BOP1: variants seen among roughly 807,000 people sequenced by gnomAD.
BOP1 encodes the protein BOP1 ribosomal biogenesis factor.
BOP1 carries 54 observed loss-of-function variants against 82.9 expected under a neutral mutation model. That is an observed-to-expected ratio of 0.65 (90% CI 0.52 to 0.82). BOP1 has a LOEUF of 0.82. Among genes scored for constraint, BOP1 ranks in the 40% least tolerant of loss-of-function variants. The pLI is 0.00. For missense variants in BOP1, 1,170 were observed against 1,072.0 expected, an observed-to-expected ratio of 1.09 and a Z score of -1.28; for synonymous variants, 566 against 451.1, an observed-to-expected ratio of 1.25 and a Z score of -3.23.
chr8:144,280,978 C>T (rs1377913716), intron 2 of BOP1, among the ~76,000 whole-genome samples: 450 of 148,006 alleles, frequency 3.0e-3, no homozygotes, highest in African/African-American at 0.011. Context: ...ACTTTAATAC[C>T]AGGTCTTCGG....
intron 3 of BOP1, among the ~76,000 whole-genome samples, chr8:144,270,289 A>G (rs1845471244): frequency 6.6e-6 from 1 of 152,078 alleles, no homozygotes; most frequent in Non-Finnish European, 1.5e-5. Flanking sequence ...CAGGGTCAAG[A>G]GGGAGTGCAG....
chr8:144,262,342 G>T (rs1845215282), intron 15 of BOP1, 25 bp from the exon 16 acceptor site: 1 of 1,612,744 alleles, frequency 6.2e-7, no homozygotes, highest in Non-Finnish European at 8.5e-7. Flanking sequence ...AGGGCTCAGG[G>T]CACGGCCAGA....
rs148248106 is a variant in BOP1, at chr8:144,283,464, G to A, written c.309+5631C>T. Among the ~76,000 whole-genome samples, 417 of 152,204 alleles carry A rather than the reference G, an allele frequency of 2.7e-3. 2 individuals carry two copies. Among genetic ancestry groups the A allele is most frequent in the African/African-American group, 9.8e-3 (406 of 41,532 alleles). On this transcript the variant is annotated intron_variant, in intron 2 of 15. Coordinates refer to ENST00000569669, the MANE Select transcript of BOP1 (RefSeq NM_015201.5). ...GGGACTGGGACCACGGGCACGCACC[G>A]CCATGCCTGGCTCATTTTTTAAATT...
rs1554836638 is a variant in BOP1, at chr8:144,262,838, G to GCCCCCAC, written c.1894+8_1894+14dup. 23 of 728,126 alleles carry GCCCCCAC rather than the reference G, an allele frequency of 3.2e-5. No homozygotes were observed. The African/African-American group carries it at 7.6e-4, about 24-fold the overall frequency. 45.1% of individuals were successfully genotyped at this position (728,126 alleles called of 1,614,324 possible). On this transcript the variant is annotated intron_variant, in intron 13 of 15. Coordinates refer to ENST00000569669, the MANE Select transcript of BOP1 (RefSeq NM_015201.5). Reference sequence around the variant, plus strand: ...CCACCCCTCACCTGCAGGGTGCACCGCCCCCACCCCTCACCTGCAGGGTGC... The same window carrying GCCCCCAC: ...CCACCCCTCACCTGCAGGGTGCACCGCCCCCACCCCCCACCCCTCACCTGCAGGGTGC...
chr8:144,272,910 A>T (rs1765080067), intron 3 of BOP1, among the ~76,000 whole-genome samples: 1 of 152,184 alleles, frequency 6.6e-6, no homozygotes, highest in African/African-American at 2.4e-5. Flanking sequence ...CCTGGGTAGC[A>T]GGGCGCGCCC....
At chr8:144,268,520 AC>A in intron 3 of BOP1, 1 of 290,954 alleles carries the variant, frequency 3.4e-6, no homozygotes, top group Non-Finnish European at 6.5e-6. Context: ...TTCAGAATCC[AC>A]CCCCAGCCCC....
chr8:144,277,151 G>A (rs1335284998), intron 2 of BOP1, among the ~76,000 whole-genome samples: 11 of 152,178 alleles, frequency 7.2e-5, no homozygotes, highest in Non-Finnish European at 1.2e-4. Context: ...GAGCGAAGGC[G>A]GGCACGCCCC....
At chr8:144,267,448 A>G (rs1003618856) in intron 3 of BOP1, among the ~76,000 whole-genome samples, 1 of 152,204 alleles carries the variant, frequency 6.6e-6, no homozygotes, top group Non-Finnish European at 1.5e-5. Context: ...AAAGGGGCCC[A>G]CCCAGGGCGG....
At chr8:144,276,156 C>G in intron 3 of BOP1, 68 bp downstream of exon 3, 1 of 1,584,254 alleles carries the variant, frequency 6.3e-7, no homozygotes, top group East Asian at 2.2e-5. Flanking sequence ...AGCCCCAACC[C>G]CCAGCACCTG....
At chr8:144,276,427 G>C (rs1419349469) in intron 2 of BOP1, 123 bp from the exon 3 acceptor site, 2 of 1,130,268 alleles carry the variant, frequency 1.8e-6, no homozygotes, top group African/African-American at 3.1e-5. Context: ...ACAGGCCTCA[G>C]CACAAGGCCG....
At chr8:144,290,000 C>T (rs1021083981) in intron 1 of BOP1, among the ~76,000 whole-genome samples, 4 of 152,186 alleles carry the variant, frequency 2.6e-5, no homozygotes, top group African/African-American at 9.7e-5. Context: ...TGCGTGACAC[C>T]GGCACACACA....
At chr8:144,284,488 A>C (rs1162110067) in intron 2 of BOP1, among the ~76,000 whole-genome samples, 3 of 152,134 alleles carry the variant, frequency 2.0e-5, no homozygotes, top group Non-Finnish European at 4.4e-5. Flanking sequence ...CACTGTACAA[A>C]CCAGAGCCAT....
At chr8:144,282,874 C>T (rs1031923959) in intron 2 of BOP1, among the ~76,000 whole-genome samples, 3 of 152,068 alleles carry the variant, frequency 2.0e-5, no homozygotes, top group African/African-American at 7.2e-5. Context: ...GAAACACAGA[C>T]AGCAAATGCT....
intron 3 of BOP1, among the ~76,000 whole-genome samples, chr8:144,273,764 C>T (rs1448340587): frequency 6.6e-6 from 1 of 150,778 alleles, no homozygotes; most frequent in African/African-American, 2.5e-5. Flanking sequence ...CATGCGGGGG[C>T]GGGGCAGCCG....
In BOP1 at chr8:144,264,099, C is replaced by T. The variant is rs1270683118; in HGVS notation, c.1022G>A (p.Ser341Asn). 1.3e-5 allele frequency: 21 copies of T among 1,610,278 alleles called. No individual in the cohort carries two copies. The highest frequency in any genetic ancestry group is 2.7e-5 in the African/African-American group (2 of 74,908). Residue 341 changes from serine to asparagine, a missense_variant, in exon 8 of 16, where the codon AGC (serine) becomes AAC (asparagine). By Grantham distance (46) the Ser-to-Asn change is conservative. Coordinates refer to ENST00000569669, the MANE Select transcript of BOP1 (RefSeq NM_015201.5). ...GCTCGGGAACTTGCGTGGCAAAAAG[C>T]TCAGCTTCCTCTCGCCTGGCTCCTG... The part of the protein sequence containing the change: ...EQQEPGERKL[S>N]FLPRKFPSLR...
rs1238035534 is a variant in BOP1 at position 144,262,498 on chromosome 8, T to G, written c.1985A>C (p.His662Pro). 4 of 1,612,510 alleles carry G rather than the reference T, an allele frequency of 2.5e-6. No homozygotes were observed. In the African/African-American group the frequency reaches 4.0e-5, roughly 16 times the overall value. Residue 662 changes from histidine to proline, a missense_variant, in exon 15 of 16, where the codon CAC (histidine) becomes CCC (proline). By Grantham distance (77) the His-to-Pro change is moderately conservative. Coordinates refer to ENST00000569669, the MANE Select transcript of BOP1 (RefSeq NM_015201.5). ...STKPYRMLRH[H>P]KKALRAVAFH... ...GGCCACAGCCCGCAGAGCCTTCTTG[T>G]GGTGTCTGGGGGGAGGGAACCAGGT...
At chr8:144,285,215 C>T (rs914048792) in intron 2 of BOP1, among the ~76,000 whole-genome samples, 3 of 152,218 alleles carry the variant, frequency 2.0e-5, no homozygotes, top group Non-Finnish European at 2.9e-5. Context: ...AAGGGCTAGG[C>T]GGCCTGGGGA....
chr8:144,278,309 G>A (rs182830407), intron 2 of BOP1, among the ~76,000 whole-genome samples: 5 of 152,294 alleles, frequency 3.3e-5, no homozygotes, highest in African/African-American at 1.2e-4. Flanking sequence ...ACCCTGCGTG[G>A]CCTCTGCCCA....
At chr8:144,284,942 C>T (rs1233453034) in intron 2 of BOP1, among the ~76,000 whole-genome samples, 11 of 152,206 alleles carry the variant, frequency 7.2e-5, no homozygotes. Flanking sequence ...CCACAGGGGC[C>T]GCCAGCAGCT....
Sources: gnomAD v4.1 joint callset for allele counts (sites outside exome capture counted in the v4.1 genomes callset) on GRCh38, gnomAD v4.1.1 for gene constraint, MANE v1.5 for transcripts, NCBI Gene and HGNC (gene_info 2026-07-23, HGNC 2026-07-21) for gene names.